The following PCCB variants were observed in gnomAD, a reference collection of about 807,000 sequenced individuals.
The protein encoded by PCCB is propionyl-CoA carboxylase subunit beta, also known as propionyl-CoA carboxylase beta chain, mitochondrial.
A neutral mutation model predicts 60.7 loss-of-function variants in PCCB; 43 were observed. That is an observed-to-expected ratio of 0.71 (90% CI 0.55 to 0.91). PCCB has a LOEUF of 0.91. Ranked by LOEUF, PCCB falls within the 40% of genes least tolerant of loss-of-function variation. PCCB has a pLI of 0.00. For synonymous variants in PCCB, 276 were observed against 255.9 expected (o/e 1.08, Z -0.75); for missense variants, 766 against 702.8 (o/e 1.09, Z -1.02).
intron 5 of PCCB, among the ~76,000 whole-genome samples, chr3:136,279,065 G>A (rs1256962167): frequency 2.0e-5 from 3 of 152,110 alleles, no homozygotes; most frequent in Non-Finnish European, 4.4e-5. Context: ...TCTCTAGTAA[G>A]TTTTTGATTT....
At position 136,326,852 on chromosome 3, in the gene PCCB, C is replaced by G. The variant is rs1277882976; in HGVS notation, c.1140C>G (p.Phe380Leu). ...SSVKGARFVRFCDAFNIPLIT... is the reference protein window; with the variant it reads ...SSVKGARFVRLCDAFNIPLIT... The stretch of plus-strand genomic sequence containing the variant: ...TGAAAGGGGCTCGTTTTGTCAGATT[C>G]TGTGATGCATTCAATATTCCACTCA... Residue 380 changes from phenylalanine (F) to leucine (L), a missense_variant, in exon 11 of 15, where the codon TTC becomes TTG. Transcript: ENST00000251654. 22 of 1,613,360 alleles carry G rather than the reference C, an allele frequency of 1.4e-5. No individual in the cohort carries two copies. The highest frequency in any genetic ancestry group is 1.9e-5 in the Non-Finnish European group (22 of 1,179,412).
Position 136,293,762 on chromosome 3 carries a change from T to G in PCCB, c.661T>G (p.Ser221Ala), listed in dbSNP as rs1933808900. Reference protein sequence around the residue: ...TDFTFMVKDTSYLFITGPDVV... With the variant: ...TDFTFMVKDTAYLFITGPDVV... ...TGGAAATCTTTTATTTCAGGACACC[T>G]CCTACCTGTTCATCACTGGCCCTGA... The change falls in exon 7 of 15, where the codon TCC becomes GCC. Residue 221 changes from serine to alanine, a missense_variant. Ser to Ala is a moderately conservative substitution (Grantham distance 99). Transcript: ENST00000251654. The G allele has an allele frequency of 1.2e-6, 2 of 1,605,600 alleles. No individual in the cohort carries two copies. The highest frequency in any genetic ancestry group is 2.2e-5 in the South Asian group (2 of 90,924).
chr3:136,282,375 C>G (rs1241170732), intron 5 of PCCB, among the ~76,000 whole-genome samples: 1 of 152,190 alleles, frequency 6.6e-6, no homozygotes, highest in African/African-American at 2.4e-5. Context: ...TTCCTGTTCT[C>G]TCTTCTGTGA....
intron 5 of PCCB, among the ~76,000 whole-genome samples, chr3:136,269,841 G>T (rs1201934366): frequency 6.8e-6 from 1 of 146,288 alleles, no homozygotes. Flanking sequence ...AGCCGAGATC[G>T]TGCTACTGCA....
chr3:136,260,245 T>G (rs1941784562), intron 3 of PCCB: 1 of 579,020 alleles, frequency 1.7e-6, no homozygotes, highest in Admixed American at 2.8e-5. Context: ...AGCTAACTTT[T>G]TTCTATATTT....
At chr3:136,261,829 TAC>T (rs534055710) in intron 4 of PCCB, 121 bp from the exon 5 acceptor site, 132 of 715,040 alleles carry the variant, frequency 1.8e-4, no homozygotes, top group Non-Finnish European at 3.0e-4. Flanking sequence ...AAACCAGTGT[TAC>T]TGCCTCCTGT....
chr3:136,290,839 C>T (rs887391344), intron 6 of PCCB, among the ~76,000 whole-genome samples: 4 of 151,158 alleles, frequency 2.6e-5, no homozygotes, highest in Non-Finnish European at 5.9e-5. Context: ...GTATATGTTA[C>T]ATCGTTTGTA....
At chr3:136,280,331 G>A (rs2108176423) in intron 5 of PCCB, among the ~76,000 whole-genome samples, 1 of 152,222 alleles carries the variant, frequency 6.6e-6, no homozygotes, top group South Asian at 2.1e-4. Flanking sequence ...TGGTTGACCA[G>A]TTATTTTGTT....
rs1201256787 is a variant in PCCB, at chr3:136,297,934, T to G, written c.764-18T>G. ...GCTGGTACCCTGACTCAATCATATA[T>G]GCTCCCTGTTCTCTTAGGTGTGGCC... On this transcript the variant is annotated intron_variant, in intron 7 of 14. Coordinates refer to ENST00000251654, the MANE Select transcript of PCCB (RefSeq NM_000532.5). The G allele has an allele frequency of 1.2e-6, 2 of 1,613,926 alleles. No individual in the cohort carries two copies. Among genetic ancestry groups the G allele is most frequent in the African/African-American group, 2.7e-5 (2 of 74,940 alleles).
At chr3:136,295,047 A>G (rs909503327) in intron 7 of PCCB, among the ~76,000 whole-genome samples, 5 of 152,244 alleles carry the variant, frequency 3.3e-5, no homozygotes, top group Non-Finnish European at 4.4e-5. Context: ...CATGATTCTG[A>G]TATTAGTGAA....
At chr3:136,299,953 T>A (rs1053061457) in intron 8 of PCCB, among the ~76,000 whole-genome samples, 1 of 151,924 alleles carries the variant, frequency 6.6e-6, no homozygotes, top group African/African-American at 2.4e-5. Context: ...TATGCATACA[T>A]ATATACATGT....
At position 136,261,977 on chromosome 3, in the gene PCCB, G is replaced by T; in HGVS notation, c.455G>T (p.Gly152Val). The T allele has an allele frequency of 1.9e-6, 3 of 1,560,108 alleles. No homozygotes were observed. Among genetic ancestry groups the T allele is most frequent in the Non-Finnish European group, 2.6e-6 (3 of 1,150,776 alleles). ...ATCATGGACCAGGCCATAACGGTGG[G>T]GGCTCCAGTGATTGGGCTGAATGAC... ...CKIMDQAITVGAPVIGLNDSG... is the reference protein window; with the variant it reads ...CKIMDQAITVVAPVIGLNDSG... The change falls in exon 5 of 15, where the codon GGG becomes GTG. Residue 152 changes from glycine (G) to valine (V), a missense_variant. Gly to Val is a moderately radical substitution (Grantham distance 109). Coordinates refer to ENST00000251654, the MANE Select transcript of PCCB (RefSeq NM_000532.5).
chr3:136,255,731 A>T, intron 1 of PCCB, 125 bp from the exon 2 acceptor site: 1 of 837,962 alleles, frequency 1.2e-6, no homozygotes, highest in South Asian at 1.3e-5. Flanking sequence ...GGTTGGATAG[A>T]ATGAAAGTAC....
At position 136,290,413 on chromosome 3, in the gene PCCB, A is replaced by G. The variant is rs945238603; in HGVS notation, c.655-3343A>G. The stretch of plus-strand genomic sequence containing the variant: ...ATATAATTATTATTTTTGGTCCTCT[A>G]TAGGCAAAATGTTTTTTTCTTGTGG... On this transcript the variant is annotated intron_variant, in intron 6 of 14. Transcript: ENST00000251654. Among the ~76,000 whole-genome samples the G allele has an allele frequency of 1.3e-4, 20 of 152,110 alleles. 1 individual carries two copies. Among genetic ancestry groups the G allele is most frequent in the African/African-American group, 4.8e-5 (2 of 41,424 alleles).
At chr3:136,267,099 G>T (rs1408571560) in intron 5 of PCCB, among the ~76,000 whole-genome samples, 1 of 152,152 alleles carries the variant, frequency 6.6e-6, no homozygotes, top group Non-Finnish European at 1.5e-5. Flanking sequence ...TGCCCAGGCT[G>T]GTCTTGAACT....
At chr3:136,281,113 T>G (rs957235063) in intron 5 of PCCB, among the ~76,000 whole-genome samples, 1 of 152,026 alleles carries the variant, frequency 6.6e-6, no homozygotes, top group Non-Finnish European at 1.5e-5. Context: ...TAGATCTCTT[T>G]GAGTTCATAC....
chr3:136,250,433 G>A lies in PCCB; in HGVS notation c.58G>A (p.Gly20Ser), dbSNP rs777726717. The A allele has an allele frequency of 3.8e-6, 6 of 1,595,434 alleles. No homozygotes were observed. The South Asian group carries it at 6.8e-5, about 18-fold the overall frequency. The part of the protein sequence containing the change: ...VGARLSVLAS[G>S]LRAAVRSLCS... ...GGCAAGGCTCAGCGTTCTGGCGAGC[G>A]GTCTCCGCGCCGCGGTCCGCAGCCT... is the stretch of plus-strand genomic sequence containing the variant. Residue 20 changes from glycine to serine, a missense_variant, in exon 1 of 15, where the codon GGT becomes AGT. By Grantham distance (56) the Gly-to-Ser change is moderately conservative. Coordinates refer to ENST00000251654, the MANE Select transcript of PCCB (RefSeq NM_000532.5).
intron 9 of PCCB, among the ~76,000 whole-genome samples, chr3:136,303,738 G>A (rs1227794819): frequency 8.3e-6 from 1 of 121,206 alleles, no homozygotes; most frequent in African/African-American, 2.5e-5. Context: ...CAAGTAGCTG[G>A]GATTACAGGC....
intron 5 of PCCB, among the ~76,000 whole-genome samples, chr3:136,280,588 C>T (rs148513731): frequency 1.0e-3 from 153 of 152,344 alleles, no homozygotes; most frequent in African/African-American, 3.2e-3. Context: ...TCAAGCAGTT[C>T]ACCTGCCTTG....
Sources: allele counts gnomAD v4.1 joint callset (sites outside exome capture counted in the v4.1 genomes callset), GRCh38; gene constraint gnomAD v4.1.1; transcripts MANE v1.5; gene names NCBI Gene and HGNC (gene_info 2026-07-23, HGNC 2026-07-21).